ZBTB11: variants seen among roughly 807,000 people sequenced by gnomAD.
ZBTB11 encodes the protein zinc finger and BTB domain-containing protein 11.
A neutral mutation model predicts 113.1 loss-of-function variants in ZBTB11; 68 were observed. That is an observed-to-expected ratio of 0.60 (90% confidence interval 0.49 to 0.74). The LOEUF (loss-of-function observed/expected upper bound fraction) is 0.74. Among genes scored for constraint, ZBTB11 ranks in the 30% least tolerant of loss-of-function variants. ZBTB11 has a pLI of 0.00. For missense variants in ZBTB11, 1,104 were observed against 1,279.4 expected (o/e 0.86, Z 2.09); for synonymous variants, 518 against 452.6 (o/e 1.14, Z -1.83).
chr3:101,659,722 T>C, intron 6 of ZBTB11, 61 bp downstream of exon 6: 2 of 1,584,936 alleles, frequency 1.3e-6, no homozygotes, highest in Non-Finnish European at 8.6e-7. Context: ...ACCAGTCTCT[T>C]TGGCACACAT....
rs1388273752 is a variant in ZBTB11, at chr3:101,676,991, G to C, written c.-77C>G. On this transcript the variant is annotated 5_prime_UTR_variant, in exon 1 of 11. Coordinates refer to ENST00000312938, the MANE Select transcript of ZBTB11 (RefSeq NM_014415.4). ...GCCCGCTACCTACGGGCGGCTGCAGGAGGAGCGGCGGCACCGTAGGGAGAA... is the reference window on the plus strand; with the variant it reads ...GCCCGCTACCTACGGGCGGCTGCAGCAGGAGCGGCGGCACCGTAGGGAGAA... The C allele has an allele frequency of 6.9e-7, 1 of 1,450,834 alleles. No homozygotes were observed. Among genetic ancestry groups the C allele is most frequent in the East Asian group, 2.5e-5 (1 of 39,934 alleles). The allele number at this position is 1,450,834 out of a possible 1,614,324, so 89.9% of individuals were successfully genotyped here.
rs572093050 is a variant in ZBTB11, at chr3:101,649,151, TG to T, written c.*2014del. 1.3e-5 allele frequency: 2 copies of T among 152,142 alleles called. No homozygotes were observed. Among genetic ancestry groups the T allele is most frequent in the Non-Finnish European group, 2.9e-5 (2 of 68,034 alleles). The allele number at this position is 152,142 out of a possible 1,614,324, so 9.4% of individuals were successfully genotyped here. A position where few individuals can be genotyped will look rare whatever the true frequency, so the allele number is the denominator to read the frequency against. On this transcript the variant is annotated 3_prime_UTR_variant, in exon 11 of 11. Transcript: ENST00000312938. ...TATATGGATACAGGATAGGAGGGCG[TG>T]GTGGGCCAAAAGGCAACATTTGGGC... is the stretch of plus-strand genomic sequence containing the variant.
At chr3:101,676,417 C>T (rs777467030) in intron 1 of ZBTB11, 188 bp downstream of exon 1, 5 of 583,166 alleles carry the variant, frequency 8.6e-6, no homozygotes, top group African/African-American at 3.9e-5. Flanking sequence ...CCAGCTTCGC[C>T]GGCCTCCTTC....
At chr3:101,663,552 C>T (rs758823006) in intron 5 of ZBTB11, among the ~76,000 whole-genome samples, 1 of 152,092 alleles carries the variant, frequency 6.6e-6, no homozygotes, top group African/African-American at 2.4e-5. Flanking sequence ...TTTTTCATCT[C>T]TGAGATGGTG....
chr3:101,674,899 A>G (rs1052007624), intron 1 of ZBTB11, among the ~76,000 whole-genome samples: 3 of 152,284 alleles, frequency 2.0e-5, no homozygotes, highest in East Asian at 3.9e-4. Flanking sequence ...CACAAAGGTC[A>G]GCTGTGTGAC....
chr3:101,674,723 A>G (rs1576654467), intron 1 of ZBTB11, among the ~76,000 whole-genome samples: 1 of 151,826 alleles, frequency 6.6e-6, no homozygotes, highest in Middle Eastern at 3.4e-3. Context: ...AAATAAATAA[A>G]TAAATAAATA....
rs762306854 is a variant in ZBTB11 at position 101,651,518 on chromosome 3, T to C, written c.2810A>G (p.His937Arg). 4 of 1,614,060 alleles carry C rather than the reference T, an allele frequency of 2.5e-6. No individual in the cohort carries two copies. The highest frequency in any genetic ancestry group is 3.4e-6 in the Non-Finnish European group (4 of 1,180,040). Reference sequence around the variant, plus strand: ...AATTTTGCAAGGCACATAGTCTCTGTGGAATTTAGTCATATGTTTACGGAG... The same window carrying C: ...AATTTTGCAAGGCACATAGTCTCTGCGGAATTTAGTCATATGTTTACGGAG... Reference protein sequence around the residue: ...RTLRKHMTKFHRDYVPCKIML... With the variant: ...RTLRKHMTKFRRDYVPCKIML... Residue 937 changes from histidine (H) to arginine (R), a missense_variant, in exon 11 of 11, where the codon CAC becomes CGC. By Grantham distance (29) the His-to-Arg change is conservative (BLOSUM62 0). Coordinates refer to ENST00000312938, the MANE Select transcript of ZBTB11 (RefSeq NM_014415.4).
At chr3:101,658,954 T>G (rs1936843104) in intron 6 of ZBTB11, among the ~76,000 whole-genome samples, 1 of 152,152 alleles carries the variant, frequency 6.6e-6, no homozygotes, top group South Asian at 2.1e-4. Context: ...AAATACTAAG[T>G]CAGGCCTGGC....
At position 101,649,496 on chromosome 3, in the gene ZBTB11, A is replaced by T. The variant is rs890879372; in HGVS notation, c.*1670T>A. 6.6e-6 allele frequency: 1 copy of T among 152,258 alleles called. No homozygotes were observed. Among genetic ancestry groups the T allele is most frequent in the Non-Finnish European group, 1.5e-5 (1 of 68,032 alleles). 9.4% of individuals were successfully genotyped at this position (152,258 alleles called of 1,614,324 possible). A position where few individuals can be genotyped will look rare whatever the true frequency, so the allele number is the denominator to read the frequency against. On this transcript the variant is annotated 3_prime_UTR_variant, in exon 11 of 11. Coordinates refer to ENST00000312938, the MANE Select transcript of ZBTB11 (RefSeq NM_014415.4). The stretch of plus-strand genomic sequence containing the variant: ...ATTTACATGTTTATGACATACATTA[A>T]TGGTCATACACAATTTTTAAACTAA...
chr3:101,653,016 T>C lies in ZBTB11; in HGVS notation c.2310-78A>G, dbSNP rs1287588327. 3.4e-6 allele frequency: 5 copies of C among 1,458,154 alleles called. No individual in the cohort carries two copies. The East Asian group carries it at 9.2e-5, about 27-fold the overall frequency. The allele number at this position is 1,458,154 out of a possible 1,614,324, so 90.3% of individuals were successfully genotyped here. On this transcript the variant is annotated intron_variant, in intron 8 of 10. Transcript: ENST00000312938. ...TTTCCAAGAACTCAGTAACTATTTTTAGTTTTTTAGAACTCCAAAAGATGA... is the reference window on the plus strand; with the variant it reads ...TTTCCAAGAACTCAGTAACTATTTTCAGTTTTTTAGAACTCCAAAAGATGA...
intron 6 of ZBTB11, among the ~76,000 whole-genome samples, 179 bp from the exon 7 acceptor site, chr3:101,656,427 T>C (rs1046536205): frequency 3.3e-5 from 5 of 152,182 alleles, no homozygotes; most frequent in Admixed American, 3.3e-4. Context: ...CCTCTTCTGA[T>C]TCAGTATTCA....
At chr3:101,660,309 G>A (rs966476916) in intron 5 of ZBTB11, among the ~76,000 whole-genome samples, 1 of 152,192 alleles carries the variant, frequency 6.6e-6, no homozygotes, top group Non-Finnish European at 1.5e-5. Flanking sequence ...TCTATCATTA[G>A]TATGAGTACT....
In ZBTB11 at chr3:101,676,866, C is replaced by G. The variant is rs1418000723; in HGVS notation, c.49G>C (p.Glu17Gln). 6.2e-7 allele frequency: 1 copy of G among 1,608,430 alleles called. No homozygotes were observed. Among genetic ancestry groups the G allele is most frequent in the Non-Finnish European group, 8.5e-7 (1 of 1,177,462 alleles). ...YRAILRYLTN[E>Q]REPYAPGTEG... Reference sequence around the variant, plus strand: ...GTGCCCGGCGCATACGGCTCGCGCTCGTTCGTCAGGTAACGCAGGATGGCC... The same window carrying G: ...GTGCCCGGCGCATACGGCTCGCGCTGGTTCGTCAGGTAACGCAGGATGGCC... Residue 17 changes from glutamate (E) to glutamine (Q), a missense_variant, in exon 1 of 11, where the codon GAG (glutamate) becomes CAG (glutamine). By Grantham distance (29) the Glu-to-Gln change is conservative. Transcript: ENST00000312938.
At chr3:101,654,880 AT>A (rs538179699) in intron 7 of ZBTB11, 59 bp from the exon 8 acceptor site, 69,073 of 1,076,436 alleles carry the variant, frequency 0.064, no homozygotes, top group South Asian at 0.099. Flanking sequence ...TTTTAACAGA[AT>A]TTTTTTTTTT....
In ZBTB11 at chr3:101,676,734, C is replaced by T. The variant is rs1351858891; in HGVS notation, c.181G>A (p.Glu61Lys). The change falls in exon 1 of 11, where the codon GAG becomes AAG. Residue 61 changes from glutamate to lysine, a missense_variant. Physicochemically the swap from Glu to Lys is moderately conservative, Grantham distance 56 (BLOSUM62 1). Transcript: ENST00000312938. ...RRQRHRKTFAELEVVLQPERR... is the reference protein window; with the variant it reads ...RRQRHRKTFAKLEVVLQPERR... The stretch of plus-strand genomic sequence containing the variant: ...TCCGGCTGCAGCACCACCTCCAGCT[C>T]CGCGAAGGTCTTGCGGTGCCGCTGC... 6.2e-7 allele frequency: 1 copy of T among 1,604,180 alleles called. No homozygotes were observed.
At position 101,650,375 on chromosome 3, in the gene ZBTB11, G is replaced by T. The variant is rs1217215577; in HGVS notation, c.*791C>A. ...ATTAATTGTCCTATGTTATCAAGGA[G>T]AATTTTCCTGTCAACAGTGTTTAAT... On this transcript the variant is annotated 3_prime_UTR_variant, in exon 11 of 11. Transcript: ENST00000312938. 1 of 152,448 alleles carries T rather than the reference G, an allele frequency of 6.6e-6. No homozygotes were observed. The highest frequency in any genetic ancestry group is 1.5e-5 in the Non-Finnish European group (1 of 68,000). 9.4% of individuals were successfully genotyped at this position (152,448 alleles called of 1,614,324 possible).
chr3:101,660,552 G>C (rs1936870518), intron 5 of ZBTB11, among the ~76,000 whole-genome samples: 2 of 152,114 alleles, frequency 1.3e-5, no homozygotes, highest in Non-Finnish European at 2.9e-5. Context: ...TTTGCTTCTA[G>C]AGTTATCTCT....
chr3:101,659,728 C>T, intron 6 of ZBTB11, 55 bp downstream of exon 6: 3 of 1,592,638 alleles, frequency 1.9e-6, no homozygotes, highest in East Asian at 4.5e-5. Context: ...CTCTTTGGCA[C>T]ACATAGTTAA....
chr3:101,671,718 T>G (rs1937089014), intron 2 of ZBTB11: 2 of 593,584 alleles, frequency 3.4e-6, no homozygotes, highest in African/African-American at 3.7e-5. Context: ...TCTGTCTACT[T>G]GTACCAATAT....
Sources: gnomAD v4.1 joint callset for allele counts (sites outside exome capture counted in the v4.1 genomes callset) on GRCh38, gnomAD v4.1.1 for gene constraint, MANE v1.5 for transcripts, NCBI Gene and HGNC (gene_info 2026-07-23, HGNC 2026-07-21) for gene names.